Variants in NRXN1 observed in about 807,000 individuals in gnomAD.
NRXN1 encodes the protein neurexin 1, also known as neurexin-1.
In NRXN1, 39 loss-of-function variants were observed where a neutral mutation model predicts 150.9. That is an observed-to-expected ratio of 0.26 (90% CI 0.20 to 0.34). The LOEUF (loss-of-function observed/expected upper bound fraction) is 0.34. Ranked by LOEUF, NRXN1 falls within the 10% of genes least tolerant of loss-of-function variation. The pLI is 1.00. For missense variants in NRXN1, 1,815 were observed against 1,949.9 expected (o/e 0.93, Z 1.30); for synonymous variants, 924 against 757.0 (o/e 1.22, Z -3.62).
At chr2:50,132,025 A>G (rs1052407345) in intron 18 of NRXN1, among the ~76,000 whole-genome samples, 8 of 152,170 alleles carry the variant, frequency 5.3e-5, no homozygotes, top group Non-Finnish European at 2.9e-5. Flanking sequence ...ATGCAGAATT[A>G]CCTTTTTCCA....
At chr2:50,130,002 T>C (rs1052533198) in intron 18 of NRXN1, among the ~76,000 whole-genome samples, 1 of 152,212 alleles carries the variant, frequency 6.6e-6, no homozygotes, top group African/African-American at 2.4e-5. Flanking sequence ...CCAGACACTA[T>C]GATCAGCACA....
intron 2 of NRXN1, among the ~76,000 whole-genome samples, chr2:50,998,699 T>A (rs1423852055): frequency 6.6e-6 from 1 of 152,052 alleles, no homozygotes; most frequent in African/African-American, 2.4e-5. Flanking sequence ...AGTAAAATGG[T>A]ATTGATGACA....
intron 18 of NRXN1, among the ~76,000 whole-genome samples, chr2:50,172,952 G>A (rs956412138): frequency 8.6e-5 from 13 of 152,024 alleles, no homozygotes; most frequent in Non-Finnish European, 1.8e-4. Flanking sequence ...GGGCAACAGA[G>A]GGAGACTCCG....
intron 17 of NRXN1, among the ~76,000 whole-genome samples, chr2:50,405,748 C>T (rs1276922942): frequency 6.6e-6 from 1 of 152,090 alleles, no homozygotes; most frequent in Non-Finnish European, 1.5e-5. Flanking sequence ...GTGACTCAAA[C>T]ACAGTGCTTT....
At chr2:50,131,755 A>G (rs1006373030) in intron 18 of NRXN1, among the ~76,000 whole-genome samples, 3 of 152,122 alleles carry the variant, frequency 2.0e-5, no homozygotes, top group Non-Finnish European at 4.4e-5. Flanking sequence ...GCCTGTCAGG[A>G]ATAAAAATTT....
intron 5 of NRXN1, among the ~76,000 whole-genome samples, chr2:50,869,449 C>G (rs1316464979): frequency 2.7e-5 from 4 of 147,090 alleles, no homozygotes; most frequent in African/African-American, 1.0e-4. Flanking sequence ...AAAAGTAAGT[C>G]AAAAAAATAA....
intron 16 of NRXN1, 51 bp downstream of exon 16, chr2:50,472,243 CAGTT>C: frequency 7.0e-7 from 1 of 1,426,398 alleles, no homozygotes; most frequent in Middle Eastern, 1.9e-4. Context: ...GATTCACTCT[CAGTT>C]AGACAGGTGG....
chr2:50,053,149 A>T (rs773944731), intron 21 of NRXN1, 122 bp downstream of exon 21: 47 of 943,148 alleles, frequency 5.0e-5, no homozygotes, highest in Non-Finnish European at 7.0e-5. Flanking sequence ...GCTAGTTTCA[A>T]AGGAAGCTGT....
intron 18 of NRXN1, among the ~76,000 whole-genome samples, chr2:50,159,074 TTTGTTGTTGTTG>T (rs35066147): frequency 6.6e-6 from 1 of 151,720 alleles, no homozygotes; most frequent in South Asian, 2.1e-4. Context: ...TGAAAGTCTC[TTTGTTGTTGTTG>T]TTGTTGTTGT....
chr2:50,127,770 C>G (rs1704827364), intron 18 of NRXN1, among the ~76,000 whole-genome samples: 1 of 152,100 alleles, frequency 6.6e-6, no homozygotes, highest in Non-Finnish European at 1.5e-5. Context: ...GAAATAGTCC[C>G]TAAGTCTTAA....
At chr2:50,712,001 A>G (rs1358937954) in intron 5 of NRXN1, among the ~76,000 whole-genome samples, 3 of 152,166 alleles carry the variant, frequency 2.0e-5, no homozygotes, top group African/African-American at 7.2e-5. Flanking sequence ...TACCCAGTTT[A>G]TAATATTTTG....
chr2:50,045,793 G>A (rs1691712636), intron 21 of NRXN1, among the ~76,000 whole-genome samples: 1 of 152,034 alleles, frequency 6.6e-6, no homozygotes, highest in African/African-American at 2.4e-5. Context: ...CCAGTCCTGA[G>A]AAAATTCCCA....
chr2:50,018,251 A>G (rs1686970748), intron 21 of NRXN1, among the ~76,000 whole-genome samples: 1 of 152,144 alleles, frequency 6.6e-6, no homozygotes, highest in South Asian at 2.1e-4. Flanking sequence ...TCAGACCATC[A>G]TTTATAGGGC....
intron 17 of NRXN1, among the ~76,000 whole-genome samples, chr2:50,320,366 T>A (rs754996067): frequency 1.5e-5 from 2 of 137,768 alleles, no homozygotes; most frequent in Non-Finnish European, 3.1e-5. Context: ...GGAGTAGGAA[T>A]GGGTTTGTTT....
rs184737498 is a variant in NRXN1, at chr2:50,621,841, T to C, written c.1135-592A>G. Among the ~76,000 whole-genome samples, 8 of 151,910 alleles carry C rather than the reference T, an allele frequency of 5.3e-5. No homozygotes were observed. The East Asian group carries it at 9.7e-4, about 18-fold the overall frequency. ...GAAACAAAGCAAAGATCCTGACACA[T>C]AGAATGAGTAGAATGGATTTGTGTT... is the stretch of plus-strand genomic sequence containing the variant. On this transcript the variant is annotated intron_variant, in intron 6 of 22. Transcript: ENST00000401669.
At chr2:50,573,779 A>C (rs1475922343) in intron 8 of NRXN1, among the ~76,000 whole-genome samples, 1 of 151,466 alleles carries the variant, frequency 6.6e-6, no homozygotes, top group Non-Finnish European at 1.5e-5. Flanking sequence ...CAATAATAAA[A>C]TGATACAAAT....
chr2:50,274,746 G>A (rs1222193176), intron 17 of NRXN1, among the ~76,000 whole-genome samples: 1 of 151,802 alleles, frequency 6.6e-6, no homozygotes, highest in East Asian at 1.9e-4. Context: ...CAATGTAAAT[G>A]TTAACAAATT....
At chr2:50,294,608 G>A (rs1240879830) in intron 17 of NRXN1, among the ~76,000 whole-genome samples, 2 of 152,134 alleles carry the variant, frequency 1.3e-5, no homozygotes, top group Non-Finnish European at 2.9e-5. Flanking sequence ...AGGGACACCT[G>A]ATCCAGCCTG....
At chr2:50,230,634 G>A (rs878880402) in intron 18 of NRXN1, among the ~76,000 whole-genome samples, 1 of 152,008 alleles carries the variant, frequency 6.6e-6, no homozygotes, top group East Asian at 1.9e-4. Flanking sequence ...TAGCTGTTTT[G>A]TTCTCATTTC....
Sources: gnomAD v4.1 joint callset for allele counts (sites outside exome capture counted in the v4.1 genomes callset) on GRCh38, gnomAD v4.1.1 for gene constraint, MANE v1.5 for transcripts, NCBI Gene and HGNC (gene_info 2026-07-23, HGNC 2026-07-21) for gene names.